SRRM3: variants seen among roughly 807,000 people sequenced by gnomAD.
SRRM3 encodes serine/arginine repetitive matrix 3.
SRRM3 carries 27 observed loss-of-function variants against 66.2 expected under a neutral mutation model. The observed-to-expected ratio is 0.41, with a 90% CI of 0.30 to 0.56. The LOEUF (loss-of-function observed/expected upper bound fraction) is 0.56. Ranked by LOEUF, SRRM3 falls within the 20% of genes least tolerant of loss-of-function variation. The pLI, the probability that SRRM3 is intolerant of heterozygous loss-of-function variation, is 0.32. For synonymous variants in SRRM3, 391 were observed against 414.9 expected (o/e 0.94, Z 0.70); for missense variants, 918 against 991.9 (o/e 0.93, Z 1.00).
At chr7:76,281,153 T>C (rs1350497154) in intron 11 of SRRM3, among the ~76,000 whole-genome samples, 1 of 141,342 alleles carries the variant, frequency 7.1e-6, no homozygotes, top group Non-Finnish European at 1.6e-5. Context: ...CCTCCCTCTC[T>C]CCCTCTTTCT....
chr7:76,255,326 T>C (rs1801687606), intron 3 of SRRM3, among the ~76,000 whole-genome samples: 1 of 151,854 alleles, frequency 6.6e-6, no homozygotes, highest in Non-Finnish European at 1.5e-5. Flanking sequence ...ATTTTGTATT[T>C]TTAGTAGAGA....
Position 76,267,270 on chromosome 7 carries a change from G to T in SRRM3, c.843G>T (p.Lys281Asn). The T allele has an allele frequency of 6.4e-7, 1 of 1,551,500 alleles. No homozygotes were observed. The highest frequency in any genetic ancestry group is 2.1e-5 in the Admixed American group (1 of 48,522). Reference sequence around the variant, plus strand: ...CGCCTAACCCCAGGCTGAGCCCCAAGCACCGAGACGAAGGGCGAAAGACGG... The same window carrying T: ...CGCCTAACCCCAGGCTGAGCCCCAATCACCGAGACGAAGGGCGAAAGACGG... ...DSRSPSRLSPKHRDEGRKTGS... is the reference protein window; with the variant it reads ...DSRSPSRLSPNHRDEGRKTGS... Residue 281 changes from lysine to asparagine, a missense_variant, in exon 11 of 15, where the codon AAG (lysine) becomes AAT (asparagine). Physicochemically the swap from Lys to Asn is moderately conservative, Grantham distance 94. Transcript: ENST00000611745.
intron 11 of SRRM3, among the ~76,000 whole-genome samples, chr7:76,270,593 C>A (rs1170808751): frequency 2.6e-5 from 4 of 152,028 alleles, no homozygotes; most frequent in African/African-American, 7.2e-5. Flanking sequence ...GGGCAGATCA[C>A]CTGAGGTCAG....
At chr7:76,267,827 C>G (rs1802112970) in intron 11 of SRRM3, 1 of 176,386 alleles carries the variant, frequency 5.7e-6, no homozygotes, top group African/African-American at 2.4e-5. Context: ...CAGGCAGGAG[C>G]AGGATTCGAG....
In SRRM3 at chr7:76,261,575, G is replaced by C. The variant is rs528273487; in HGVS notation, c.668G>C (p.Arg223Pro). 1.9e-6 allele frequency: 3 copies of C among 1,611,744 alleles called. No homozygotes were observed. The highest frequency in any genetic ancestry group is 2.2e-5 in the East Asian group (1 of 44,762). Residue 223 changes from arginine to proline, a missense_variant, in exon 8 of 15, where the codon CGG (arginine) becomes CCG (proline). Physicochemically the swap from Arg to Pro is moderately radical, Grantham distance 103. Coordinates refer to ENST00000611745, the MANE Select transcript of SRRM3 (RefSeq NM_001110199.3). ...GATTCTGGGTCCCGGAGGAAGAGACGGCACAGGTGAGCGGCGCTTTGCAGA... is the reference window on the plus strand; with the variant it reads ...GATTCTGGGTCCCGGAGGAAGAGACCGCACAGGTGAGCGGCGCTTTGCAGA... Reference protein sequence around the residue: ...RSDSGSRRKRRHRSRSSKCKR... With the variant: ...RSDSGSRRKRPHRSRSSKCKR...
chr7:76,223,643 C>G (rs1413198933), intron 1 of SRRM3, among the ~76,000 whole-genome samples: 1 of 152,138 alleles, frequency 6.6e-6, no homozygotes, highest in Non-Finnish European at 1.5e-5. Context: ...TCTTTTTCCT[C>G]AGGAGGCACA....
chr7:76,229,611 T>A (rs782716243), intron 1 of SRRM3, among the ~76,000 whole-genome samples: 10 of 152,204 alleles, frequency 6.6e-5, no homozygotes, highest in Non-Finnish European at 1.2e-4. Context: ...CTGTGATCAT[T>A]GAAAATCCCT....
chr7:76,283,157 C>G lies in SRRM3; in HGVS notation c.1733+56C>G. ...CAGGGCTGGGGCCGCTGACCCGGAT[C>G]AGGGACAGAGACCTCGGCCCGGGGA... On this transcript the variant is annotated intron_variant, in intron 14 of 14. Coordinates refer to ENST00000611745, the MANE Select transcript of SRRM3 (RefSeq NM_001110199.3). 3 of 1,356,412 alleles carry G rather than the reference C, an allele frequency of 2.2e-6. No homozygotes were observed. In the South Asian group the frequency reaches 6.1e-5, roughly 27 times the overall value. The allele number at this position is 1,356,412 out of a possible 1,614,324, so 84.0% of individuals were successfully genotyped here.
Position 76,253,430 on chromosome 7 carries a change from G to A in SRRM3, c.335+5141G>A, listed in dbSNP as rs948516664. Among the ~76,000 whole-genome samples, 3 of 151,430 alleles carry A rather than the reference G, an allele frequency of 2.0e-5. No individual in the cohort carries two copies. In the East Asian group the frequency reaches 5.9e-4, roughly 30 times the overall value. On this transcript the variant is annotated intron_variant, in intron 3 of 14. Coordinates refer to ENST00000611745, the MANE Select transcript of SRRM3 (RefSeq NM_001110199.3). ...AGGTCAGGAGTTCGAGACCATCCTG[G>A]CTAACACGGTGAAACCCCGTCTCTA...
chr7:76,260,073 G>GCTGCCCCCCCTCACCGCCCCCACCC, intron 4 of SRRM3, 39 bp downstream of exon 4: 1 of 1,448,742 alleles, frequency 6.9e-7, no homozygotes, highest in Non-Finnish European at 9.0e-7. Context: ...GGCGCGCGGG[G>GCTGCCCCCCCTCACCGCCCCCACCC]CTGCCCCCCC....
chr7:76,253,636 A>T (rs1801635215), intron 3 of SRRM3, among the ~76,000 whole-genome samples: 4 of 151,806 alleles, frequency 2.6e-5, no homozygotes, highest in Admixed American at 1.3e-4. Flanking sequence ...AATTAAAAAA[A>T]TAAAATAAAA....
At chr7:76,234,357 C>T (rs989583681) in intron 1 of SRRM3, among the ~76,000 whole-genome samples, 2 of 152,080 alleles carry the variant, frequency 1.3e-5, no homozygotes, top group African/African-American at 2.4e-5. Flanking sequence ...GCTTTGGTCA[C>T]GTCATCAGAA....
intron 1 of SRRM3, among the ~76,000 whole-genome samples, chr7:76,230,392 G>A (rs1185170626): frequency 3.3e-5 from 5 of 152,044 alleles, no homozygotes; most frequent in African/African-American, 4.8e-5. Flanking sequence ...ACTCATGCCC[G>A]TAATCCCAAC....
At chr7:76,282,580 A>ACCC in intron 12 of SRRM3, 68 bp from the exon 13 acceptor site, 20 of 172,244 alleles carry the variant, frequency 1.2e-4, no homozygotes, top group Non-Finnish European at 1.3e-4. Flanking sequence ...CGCCCCAGGG[A>ACCC]ACCCTCCCCG....
intron 10 of SRRM3, 29 bp from the exon 11 acceptor site, chr7:76,267,229 C>A: frequency 6.7e-7 from 1 of 1,501,122 alleles, no homozygotes. Context: ...CACGCCGACT[C>A]CCCCATTCTT....
chr7:76,276,020 C>T (rs577008742), intron 11 of SRRM3, among the ~76,000 whole-genome samples: 8 of 152,016 alleles, frequency 5.3e-5, no homozygotes, highest in Non-Finnish European at 1.2e-4. Context: ...TTGGAGGCTG[C>T]AGTGAGCTAT....
rs1029527641 is a variant in SRRM3, at chr7:76,261,588, G to A, written c.674+7G>A. The A allele has an allele frequency of 1.8e-5, 29 of 1,610,354 alleles. No homozygotes were observed. In the Middle Eastern group the frequency reaches 6.6e-4, roughly 37 times the overall value. ...GGAGGAAGAGACGGCACAGGTGAGC[G>A]GCGCTTTGCAGAGGACATGGTCAGT... On this transcript the variant is annotated splice_region_variant and intron_variant, in intron 8 of 14. Coordinates refer to ENST00000611745, the MANE Select transcript of SRRM3 (RefSeq NM_001110199.3).
chr7:76,210,575 TAA>T (rs1199817476), intron 1 of SRRM3, among the ~76,000 whole-genome samples: 1 of 151,782 alleles, frequency 6.6e-6, no homozygotes, highest in Non-Finnish European at 1.5e-5. Flanking sequence ...AGGCATTAGG[TAA>T]AGAGAGGAGA....
rs868930222 is a variant in SRRM3 at position 76,235,121 on chromosome 7, G to A, written c.55G>A (p.Ala19Thr). The A allele has an allele frequency of 6.3e-7, 1 of 1,584,760 alleles. No homozygotes were observed. Among genetic ancestry groups the A allele is most frequent in the East Asian group, 2.3e-5 (1 of 43,608 alleles). ...CAGCATGCAGTCCACACCCGACGCC[G>A]CGAACGGCTTCCCGCAGCCCAGCTC... ...AASMQSTPDA[A>T]NGFPQPSSSS... The change falls in exon 2 of 15, where the codon GCG becomes ACG. Residue 19 changes from alanine (A) to threonine (T), a missense_variant. By Grantham distance (58) the Ala-to-Thr change is moderately conservative. Coordinates refer to ENST00000611745, the MANE Select transcript of SRRM3 (RefSeq NM_001110199.3).
Sources: gnomAD v4.1 joint callset for allele counts (sites outside exome capture counted in the v4.1 genomes callset) on GRCh38, gnomAD v4.1.1 for gene constraint, MANE v1.5 for transcripts, NCBI Gene and HGNC (gene_info 2026-07-23, HGNC 2026-07-21) for gene names.